TTC3: variants seen among roughly 807,000 people sequenced by gnomAD.
The protein encoded by TTC3 is tetratricopeptide repeat domain 3.
In TTC3, 180 loss-of-function variants were observed where a neutral mutation model predicts 249.6. That is an observed-to-expected ratio of 0.72 (90% CI 0.64 to 0.82). The LOEUF (loss-of-function observed/expected upper bound fraction) is 0.82, where lower values mean the gene tolerates loss of function less well. Among genes scored for constraint, TTC3 ranks in the 40% least tolerant of loss-of-function variants. The pLI, the probability that TTC3 is intolerant of heterozygous loss-of-function variation, is 0.00. For synonymous variants in TTC3, 717 were observed against 805.0 expected (o/e 0.89, Z 1.85); for missense variants, 2,061 against 2,398.4 (o/e 0.86, Z 2.94).
At chr21:37,127,101 C>T (rs1171146267) in intron 15 of TTC3, among the ~76,000 whole-genome samples, 3 of 152,198 alleles carry the variant, frequency 2.0e-5, no homozygotes, top group East Asian at 1.9e-4. Context: ...GCAATCCTCT[C>T]GCCTTGGCCT....
chr21:37,094,291 C>T (rs1345827048), intron 8 of TTC3, among the ~76,000 whole-genome samples: 1 of 152,050 alleles, frequency 6.6e-6, no homozygotes, highest in African/African-American at 2.4e-5. Flanking sequence ...TTTTTAAAAA[C>T]TTTAGTCTTT....
intron 28 of TTC3, chr21:37,157,254 C>G: frequency 8.4e-7 from 1 of 1,190,176 alleles, no homozygotes; most frequent in Non-Finnish European, 1.1e-6. Flanking sequence ...AAACATTGGT[C>G]TGCAGAAGTA....
chr21:37,114,755 C>T (rs1480466125), intron 11 of TTC3, among the ~76,000 whole-genome samples: 1 of 152,022 alleles, frequency 6.6e-6, no homozygotes, highest in Admixed American at 6.6e-5. Flanking sequence ...TGGCAGTATT[C>T]ACAATAGCAA....
chr21:37,096,955 G>C lies in TTC3; in HGVS notation c.845+312G>C, dbSNP rs116920598. ...TTTACATGACCAAAGTGTACCACTA[G>C]TAAATAGTGATACCAAGATTTGAAC... is the stretch of plus-strand genomic sequence containing the variant. On this transcript the variant is annotated intron_variant, in intron 10 of 45. Transcript: ENST00000355666. 563 of 210,398 alleles carry C rather than the reference G, an allele frequency of 2.7e-3. 4 individuals are homozygous for C. The highest frequency in any genetic ancestry group is 4.0e-3 in the Non-Finnish European group (421 of 106,382). The allele number at this position is 210,398 out of a possible 1,614,324, so 13.0% of individuals were successfully genotyped here.
rs545210590 is a variant in TTC3 at position 37,154,756 on chromosome 21, C to G, written c.2740+1479C>G. Among the ~76,000 whole-genome samples the G allele has an allele frequency of 3.3e-5, 5 of 152,224 alleles. No homozygotes were observed. In the South Asian group the frequency reaches 1.0e-3, roughly 32 times the overall value. On this transcript the variant is annotated intron_variant, in intron 27 of 45. Transcript: ENST00000355666. The stretch of plus-strand genomic sequence containing the variant: ...TGTTGCCCAGGCTGGAGTGCAGCGG[C>G]GCGATCTCGGCTCACTGCAAGCTCC...
exon 46 of TTC3, chr21:37,201,782 A>G: frequency 1.5e-6 from 1 of 681,848 alleles, no homozygotes; most frequent in South Asian, 2.1e-5. Context: ...GGCTAATAAA[A>G]TGACGGCTAC....
At chr21:37,109,722 C>T (rs1194426754) in intron 11 of TTC3, among the ~76,000 whole-genome samples, 1 of 152,190 alleles carries the variant, frequency 6.6e-6, no homozygotes, top group Non-Finnish European at 1.5e-5. Flanking sequence ...AGTGGTTCTC[C>T]CAGCACGCAG....
chr21:37,139,826 A>G (rs1182963663), intron 19 of TTC3, among the ~76,000 whole-genome samples: 1 of 152,156 alleles, frequency 6.6e-6, no homozygotes, highest in Non-Finnish European at 1.5e-5. Flanking sequence ...AAAATGTGTT[A>G]TAGTAGAACT....
rs560243293 is a variant in TTC3 at position 37,090,093 on chromosome 21, T to A, written c.427-140T>A. On this transcript the variant is annotated intron_variant, in intron 5 of 45. Coordinates refer to ENST00000355666, the Ensembl canonical transcript of TTC3. Reference sequence around the variant, plus strand: ...TTGTCTTAAGATCTTAAGGGGTAACTTGGTCATGTAAATGCTTGTCGGAAG... The same window carrying A: ...TTGTCTTAAGATCTTAAGGGGTAACATGGTCATGTAAATGCTTGTCGGAAG... The A allele has an allele frequency of 9.2e-6, 5 of 541,516 alleles. No homozygotes were observed. The South Asian group carries it at 1.4e-4, about 15-fold the overall frequency. The allele number at this position is 541,516 out of a possible 1,614,324, so 33.5% of individuals were successfully genotyped here.
intron 15 of TTC3, among the ~76,000 whole-genome samples, chr21:37,127,448 A>G (rs908267448): frequency 5.9e-5 from 9 of 152,176 alleles, no homozygotes; most frequent in Admixed American, 5.9e-4. Flanking sequence ...GGAGAAGTGA[A>G]TATTTTTGTG....
chr21:37,197,439 G>T, intron 42 of TTC3, 131 bp from the exon 43 acceptor site: 1 of 1,084,092 alleles, frequency 9.2e-7, no homozygotes. Context: ...GTTATCAGTG[G>T]TCTTCAGATT....
intron 11 of TTC3, among the ~76,000 whole-genome samples, chr21:37,115,122 A>G (rs1363979568): frequency 6.6e-6 from 1 of 151,736 alleles, no homozygotes; most frequent in Non-Finnish European, 1.5e-5. Context: ...TGGCACATGT[A>G]TACCTATGTA....
chr21:37,185,886 T>C (rs2083211660), intron 37 of TTC3, 112 bp downstream of exon 37: 1 of 479,400 alleles, frequency 2.1e-6, no homozygotes, highest in Admixed American at 4.4e-5. Context: ...TTTAAATAAT[T>C]ATGTTTCTGT....
Position 37,182,762 on chromosome 21 carries a change from A to G in TTC3, c.4618-12A>G. 2 of 1,572,522 alleles carry G rather than the reference A, an allele frequency of 1.3e-6. No homozygotes were observed. The highest frequency in any genetic ancestry group is 1.4e-5 in the African/African-American group (1 of 72,770). On this transcript the variant is annotated splice_polypyrimidine_tract_variant and intron_variant, in intron 35 of 45. Coordinates refer to ENST00000355666, the Ensembl canonical transcript of TTC3. ...TTTGCCATTTATTTAAGTACTTTCT[A>G]AATGTTTTTAGATCTCAAAGACGGA... is the stretch of plus-strand genomic sequence containing the variant.
intron 19 of TTC3, among the ~76,000 whole-genome samples, chr21:37,139,025 A>T (rs1327029779): frequency 6.6e-6 from 1 of 152,152 alleles, no homozygotes; most frequent in Non-Finnish European, 1.5e-5. Context: ...TTGTGATCCC[A>T]CTTATATACT....
chr21:37,150,905 TC>T (rs2079406463), intron 25 of TTC3, 21 bp downstream of exon 25: 1 of 1,542,674 alleles, frequency 6.5e-7, no homozygotes, highest in Non-Finnish European at 8.9e-7. Context: ...TAACAATCAA[TC>T]AGTGGTTTGA....
intron 10 of TTC3, among the ~76,000 whole-genome samples, chr21:37,097,208 G>A (rs1008202930): frequency 1.3e-4 from 20 of 152,098 alleles, no homozygotes; most frequent in African/African-American, 4.1e-4. Context: ...TTGAATTTGA[G>A]CTGAGTTTTT....
chr21:37,201,711 A>G, exon 46 of TTC3: 1 of 1,113,774 alleles, frequency 9.0e-7, no homozygotes. Flanking sequence ...GAAATCGTTA[A>G]TATCGCTGAT....
At chr21:37,138,761 TA>T in intron 19 of TTC3, 47 bp downstream of exon 19, 1 of 1,294,018 alleles carries the variant, frequency 7.7e-7, no homozygotes, top group Non-Finnish European at 1.1e-6. Context: ...GATATTGACA[TA>T]TCTTATAAAA....
Sources: gnomAD v4.1 joint callset for allele counts (sites outside exome capture counted in the v4.1 genomes callset) on GRCh38, gnomAD v4.1.1 for gene constraint, MANE v1.5 for transcripts, NCBI Gene and HGNC (gene_info 2026-07-23, HGNC 2026-07-21) for gene names.